ADGRG6: variants seen among roughly 807,000 people sequenced by gnomAD.
ADGRG6 encodes G-protein coupled receptor 126.
In ADGRG6, 84 loss-of-function variants were observed where a neutral mutation model predicts 142.4. The observed-to-expected ratio is 0.59, with a 90% CI of 0.49 to 0.71. The LOEUF (loss-of-function observed/expected upper bound fraction) is 0.71, where lower values mean the gene tolerates loss of function less well. Ranked by LOEUF, ADGRG6 falls within the 30% of genes least tolerant of loss-of-function variation. ADGRG6 has a pLI of 0.00. For missense variants in ADGRG6, 1,367 were observed against 1,466.6 expected, an observed-to-expected ratio of 0.93 and a Z score of 1.11; for synonymous variants, 521 against 520.5, an observed-to-expected ratio of 1.00 and a Z score of -0.01.
chr6:142,336,396 T>A (rs1285928699), intron 2 of ADGRG6, among the ~76,000 whole-genome samples: 2 of 152,202 alleles, frequency 1.3e-5, no homozygotes, highest in Non-Finnish European at 2.9e-5. Context: ...CACAATTAGT[T>A]TCATCATACA....
chr6:142,437,426 T>C lies in ADGRG6; in HGVS notation c.3320-8T>C, dbSNP rs753372785. 29 of 1,315,258 alleles carry C rather than the reference T, an allele frequency of 2.2e-5. No individual in the cohort carries two copies. The highest frequency in any genetic ancestry group is 3.1e-5 in the Non-Finnish European group (28 of 917,288). The allele number at this position is 1,315,258 out of a possible 1,614,324, so 81.5% of individuals were successfully genotyped here. ...TGGCTTAAATATTTATATTTTCTTT[T>C]GTCACAGGCTTATTTATATTCATCT... is the stretch of plus-strand genomic sequence containing the variant. On this transcript the variant is annotated splice_region_variant and splice_polypyrimidine_tract_variant and intron_variant, in intron 22 of 24. Coordinates refer to ENST00000367609, the MANE Select transcript of ADGRG6 (RefSeq NM_198569.3).
intron 2 of ADGRG6, among the ~76,000 whole-genome samples, chr6:142,316,969 C>T (rs149963407): frequency 6.3e-4 from 96 of 152,178 alleles, no homozygotes; most frequent in African/African-American, 2.2e-3. Context: ...CTAATCTCAT[C>T]TCTCTTTAGA....
At chr6:142,305,388 C>T (rs1777437984) in intron 1 of ADGRG6, among the ~76,000 whole-genome samples, 2 of 148,136 alleles carry the variant, frequency 1.4e-5, no homozygotes, top group African/African-American at 5.0e-5. Context: ...TTTAATCATT[C>T]CCGTTCCTCC....
Position 142,415,853 on chromosome 6 carries a change from G to C in ADGRG6, c.2727G>C (p.Leu909=). ...KILMNLSTAL[L]FLNLLFLLDG... Reference sequence around the variant, plus strand: ...TGATGAACCTGAGCACAGCCCTGCTGTTCCTGAATCTCCTCTTCCTCCTAG... The same window carrying C: ...TGATGAACCTGAGCACAGCCCTGCTCTTCCTGAATCTCCTCTTCCTCCTAG... Residue 909 remains leucine, a synonymous_variant, in exon 20 of 25, where the codon CTG becomes CTC. Coordinates refer to ENST00000367609, the MANE Select transcript of ADGRG6 (RefSeq NM_198569.3). The C allele has an allele frequency of 2.5e-6, 4 of 1,612,494 alleles. No homozygotes were observed. The highest frequency in any genetic ancestry group is 4.5e-5 in the East Asian group (2 of 44,868).
At chr6:142,358,435 G>A (rs6570507) in intron 2 of ADGRG6, among the ~76,000 whole-genome samples, 70,319 of 152,114 alleles carry the variant, frequency 0.46, 21,053 homozygotes, top group African/African-American at 0.86. Context: ...TGTAGAATAA[G>A]TCTGCCTTGC....
intron 2 of ADGRG6, among the ~76,000 whole-genome samples, chr6:142,314,251 G>A (rs935739397): frequency 6.6e-6 from 1 of 152,126 alleles, no homozygotes; most frequent in Non-Finnish European, 1.5e-5. Context: ...AACGTAGAAG[G>A]GGAATGACCT....
At position 142,411,304 on chromosome 6, in the gene ADGRG6, G is replaced by A; in HGVS notation, c.2435-1G>A. The A allele has an allele frequency of 6.4e-7, 1 of 1,552,254 alleles. No individual in the cohort carries two copies. The highest frequency in any genetic ancestry group is 8.9e-7 in the Non-Finnish European group (1 of 1,123,928). On this transcript the variant is annotated splice_acceptor_variant, in intron 17 of 24. Transcript: ENST00000367609. LOFTEE classifies it high-confidence loss of function. ...ACACTGTTTGTTGATTCCTTCAACA[G>A]AAAGTTTTGGAGGATGGAACACGTC...
At chr6:142,419,688 A>G (rs1282225865) in intron 21 of ADGRG6, 133 bp from the exon 22 acceptor site, 1 of 643,546 alleles carries the variant, frequency 1.6e-6, no homozygotes, top group East Asian at 2.7e-5. Flanking sequence ...ACTGAGGTCC[A>G]AGGAAGTAAA....
chr6:142,414,192 A>T (rs1445681238), intron 18 of ADGRG6, among the ~76,000 whole-genome samples: 1 of 152,020 alleles, frequency 6.6e-6, no homozygotes, highest in African/African-American at 2.4e-5. Flanking sequence ...CCAATCCCCC[A>T]TTTAAGGCAG....
intron 1 of ADGRG6, among the ~76,000 whole-genome samples, chr6:142,305,904 C>CT (rs1224707122): frequency 2.6e-5 from 4 of 151,104 alleles, no homozygotes; most frequent in Admixed American, 6.6e-5. Context: ...TAGAATAGCA[C>CT]TTTTTTTTAA....
intron 2 of ADGRG6, among the ~76,000 whole-genome samples, chr6:142,362,170 A>G (rs910291456): frequency 2.6e-5 from 4 of 152,184 alleles, no homozygotes; most frequent in Non-Finnish European, 5.9e-5. Context: ...GTCAGTCTTA[A>G]TGGTGCCTCA....
chr6:142,422,166 T>C (rs953202693), intron 22 of ADGRG6, among the ~76,000 whole-genome samples: 1 of 119,510 alleles, frequency 8.4e-6, no homozygotes, highest in Admixed American at 8.2e-5. Flanking sequence ...ATTTTTTCTC[T>C]TTTTTTTTTT....
chr6:142,437,548 T>G lies in ADGRG6; in HGVS notation c.3421+13T>G. ...GCAGATAACTCAGGTAAAGAGTTGT[T>G]GATTAAATTTTACATCTACAAGTAG... On this transcript the variant is annotated intron_variant, in intron 23 of 24. Transcript: ENST00000367609. 1 of 1,210,874 alleles carries G rather than the reference T, an allele frequency of 8.3e-7. No homozygotes were observed. The highest frequency in any genetic ancestry group is 1.2e-6 in the Non-Finnish European group (1 of 812,178). The allele number at this position is 1,210,874 out of a possible 1,614,324, so 75.0% of individuals were successfully genotyped here.
intron 2 of ADGRG6, among the ~76,000 whole-genome samples, chr6:142,366,339 A>G (rs1253171553): frequency 6.6e-6 from 1 of 152,192 alleles, no homozygotes; most frequent in Non-Finnish European, 1.5e-5. Flanking sequence ...CTTACATTCC[A>G]TGGGAAAAAC....
chr6:142,357,228 T>G (rs1780487859), intron 2 of ADGRG6, among the ~76,000 whole-genome samples: 1 of 152,232 alleles, frequency 6.6e-6, no homozygotes, highest in Admixed American at 6.5e-5. Flanking sequence ...TAAGATCATC[T>G]GTTTCTCTTC....
intron 2 of ADGRG6, among the ~76,000 whole-genome samples, chr6:142,353,339 T>A (rs922670786): frequency 1.3e-5 from 2 of 152,214 alleles, no homozygotes; most frequent in African/African-American, 4.8e-5. Flanking sequence ...TCCCATGATG[T>A]TATTCTAATT....
At chr6:142,359,207 A>ATT in intron 2 of ADGRG6, among the ~76,000 whole-genome samples, 1 of 150,220 alleles carries the variant, frequency 6.7e-6, no homozygotes, top group African/African-American at 2.4e-5. Context: ...ACCCTATAAA[A>ATT]AAAAAAAAAA....
rs1353745798 is a variant in ADGRG6, at chr6:142,422,958, G to A, written c.3319+2854G>A. ...TCATGTGTTCTTTGGCTGCATAAATGTCTTCTTTTGAGAAGTGTCTGTTCA... is the reference window on the plus strand; with the variant it reads ...TCATGTGTTCTTTGGCTGCATAAATATCTTCTTTTGAGAAGTGTCTGTTCA... On this transcript the variant is annotated intron_variant, in intron 22 of 24. Transcript: ENST00000367609. 6.6e-5 allele frequency among the ~76,000 whole-genome samples: 10 copies of A among 151,854 alleles called. No homozygotes were observed. In the East Asian group the frequency reaches 1.9e-3, roughly 29 times the overall value.
chr6:142,346,279 A>T (rs1379245079), intron 2 of ADGRG6, among the ~76,000 whole-genome samples: 1 of 152,108 alleles, frequency 6.6e-6, no homozygotes, highest in Non-Finnish European at 1.5e-5. Context: ...ATGTAAAAGC[A>T]TTCCTATTTC....
Sources: gnomAD v4.1 joint callset for allele counts (sites outside exome capture counted in the v4.1 genomes callset) on GRCh38, gnomAD v4.1.1 for gene constraint, MANE v1.5 for transcripts, NCBI Gene and HGNC (gene_info 2026-07-23, HGNC 2026-07-21) for gene names.